The following LRRC49 variants were observed in gnomAD, a reference collection of about 807,000 sequenced individuals.
LRRC49 encodes leucine-rich repeat-containing protein 49.
A neutral mutation model predicts 83.3 loss-of-function variants in LRRC49; 50 were observed. The observed-to-expected ratio is 0.60, with a 90% CI of 0.48 to 0.76. The LOEUF is 0.76. LRRC49 is among the 30% of genes least tolerant of loss of function. The pLI is 0.00. For synonymous variants in LRRC49, 286 were observed against 283.3 expected, an observed-to-expected ratio of 1.01 and a Z score of -0.10; for missense variants, 704 against 809.1, an observed-to-expected ratio of 0.87 and a Z score of 1.58.
intron 4 of LRRC49, among the ~76,000 whole-genome samples, chr15:70,903,563 T>G (rs1367145972): frequency 6.6e-6 from 1 of 152,176 alleles, no homozygotes; most frequent in East Asian, 1.9e-4. Flanking sequence ...AAGATTCTGA[T>G]CACTGTCATA....
At chr15:71,038,994 A>G (rs1296264631) in intron 15 of LRRC49, among the ~76,000 whole-genome samples, 5 of 152,288 alleles carry the variant, frequency 3.3e-5, no homozygotes, top group South Asian at 4.1e-4. Context: ...ACGGATAAGT[A>G]TCAATCAGTT....
intron 8 of LRRC49, among the ~76,000 whole-genome samples, chr15:70,944,522 A>G (rs1032966070): frequency 2.6e-5 from 4 of 152,064 alleles, no homozygotes; most frequent in Non-Finnish European, 5.9e-5. Context: ...CTCCTGCCTC[A>G]GCCTCCCGAG....
chr15:71,030,768 A>G (rs2039326744), intron 14 of LRRC49, among the ~76,000 whole-genome samples: 2 of 151,612 alleles, frequency 1.3e-5, no homozygotes, highest in African/African-American at 2.4e-5. Context: ...CAGTAAGTTG[A>G]TCTTCAATCT....
At chr15:70,905,497 C>A (rs2034268174) in intron 5 of LRRC49, among the ~76,000 whole-genome samples, 1 of 152,194 alleles carries the variant, frequency 6.6e-6, no homozygotes, top group Non-Finnish European at 1.5e-5. Flanking sequence ...AAAGTATTAT[C>A]TCTTCCTTAC....
chr15:70,893,121 G>A (rs2033660001), intron 1 of LRRC49, 179 bp downstream of exon 1: 1 of 678,576 alleles, frequency 1.5e-6, no homozygotes, highest in Non-Finnish European at 2.6e-6. Flanking sequence ...ATTGTATGAT[G>A]GGTACTCAAA....
rs1194794755 is a variant in LRRC49, at chr15:71,009,940, A to G, written c.1541A>G (p.Tyr514Cys). ...GTCAATTTTACACTCTGGAAATACT[A>G]TGTACTGTTTAGGCTAAGCCATTTC... ...PVVNFTLWKY[Y>C]VLFRLSHFSM... is the part of the protein sequence containing the mutation. Residue 514 changes from tyrosine (Y) to cysteine (C), a missense_variant, in exon 13 of 16, where the codon TAT becomes TGT. Around this residue, in one of 3 missense-constraint regions of LRRC49, gnomAD observed 275 missense variants for 338.0 expected, o/e 0.81. Coordinates refer to ENST00000260382, the MANE Select transcript of LRRC49 (RefSeq NM_017691.5). 1.9e-6 allele frequency: 3 copies of G among 1,612,076 alleles called. No homozygotes were observed. Among genetic ancestry groups the G allele is most frequent in the Admixed American group, 1.7e-5 (1 of 59,912 alleles).
intron 14 of LRRC49, among the ~76,000 whole-genome samples, chr15:71,017,799 A>G (rs1476199930): frequency 2.0e-5 from 3 of 152,176 alleles, no homozygotes; most frequent in African/African-American, 7.2e-5. Flanking sequence ...CACAATGTCT[A>G]TCAAAATTTA....
At chr15:70,955,821 T>C (rs1370215181) in intron 8 of LRRC49, among the ~76,000 whole-genome samples, 1 of 152,220 alleles carries the variant, frequency 6.6e-6, no homozygotes, top group African/African-American at 2.4e-5. Flanking sequence ...GTATTATGTG[T>C]ACTTTTCTTT....
At chr15:70,934,268 T>G (rs1430917456) in intron 7 of LRRC49, among the ~76,000 whole-genome samples, 1 of 152,236 alleles carries the variant, frequency 6.6e-6, no homozygotes, top group Non-Finnish European at 1.5e-5. Context: ...TTTCTTTTTG[T>G]CTATTATAAT....
chr15:70,943,065 T>TTGTATTCTGGGCATTGTGGATGTTC (rs2035880488), intron 8 of LRRC49, among the ~76,000 whole-genome samples: 2 of 152,180 alleles, frequency 1.3e-5, no homozygotes, highest in South Asian at 4.1e-4. Flanking sequence ...ATTGTTTTGA[T>TTGTATTCTGGGCATTGTGGATGTTC]TGTATTCTGG....
rs578064965 is a variant in LRRC49 at position 70,990,172 on chromosome 15, T to C, written c.1169+5915T>C. Among the ~76,000 whole-genome samples, 745 of 152,288 alleles carry C rather than the reference T, an allele frequency of 4.9e-3. 11 individuals are homozygous for C. Among genetic ancestry groups the C allele is most frequent in the African/African-American group, 0.017 (726 of 41,566 alleles). On this transcript the variant is annotated intron_variant, in intron 11 of 15. Transcript: ENST00000260382. ...CACTGCTGTCTTCAAAGCTGTCAGA[T>C]AGGGACATTTAAGTCTGCGGAGGTT...
At chr15:70,988,768 C>T (rs906377416) in intron 11 of LRRC49, among the ~76,000 whole-genome samples, 6 of 152,180 alleles carry the variant, frequency 3.9e-5, no homozygotes, top group South Asian at 2.1e-4. Flanking sequence ...TTTGCAGTGG[C>T]TGGTACCGGT....
intron 8 of LRRC49, among the ~76,000 whole-genome samples, chr15:70,937,358 A>T (rs996264461): frequency 6.6e-6 from 1 of 152,184 alleles, no homozygotes; most frequent in African/African-American, 2.4e-5. Context: ...GAAGCATATT[A>T]TCCTTTATAT....
chr15:70,854,310 G>T (rs1468790896), intron 1 of LRRC49, among the ~76,000 whole-genome samples: 2 of 151,832 alleles, frequency 1.3e-5, no homozygotes, highest in Non-Finnish European at 1.5e-5. Context: ...CGGGGCCTCG[G>T]AGGTGGAGGG....
rs145219744 is a variant in LRRC49 at position 71,024,044 on chromosome 15, C to G, written c.1703+11131C>G. 3.3e-5 allele frequency among the ~76,000 whole-genome samples: 5 copies of G among 152,348 alleles called. No homozygotes were observed. In the East Asian group the frequency reaches 9.6e-4, roughly 29 times the overall value. ...CACTGCAGTAACCCATCCCTGCTTA[C>G]TAGGTAGGGCCTCCCTGCAGGAATT... On this transcript the variant is annotated intron_variant, in intron 14 of 15. Coordinates refer to ENST00000260382, the MANE Select transcript of LRRC49 (RefSeq NM_017691.5).
intron 1 of LRRC49, among the ~76,000 whole-genome samples, chr15:70,858,424 A>T (rs1036845354): frequency 6.6e-6 from 1 of 152,168 alleles, no homozygotes; most frequent in Non-Finnish European, 1.5e-5. Flanking sequence ...CAACATGGCG[A>T]AACCCTGTCT....
intron 3 of LRRC49, among the ~76,000 whole-genome samples, chr15:70,898,006 T>C (rs1595993304): frequency 6.6e-6 from 1 of 152,204 alleles, no homozygotes; most frequent in African/African-American, 2.4e-5. Context: ...AGTTAAGATT[T>C]TGGTTACCAA....
In LRRC49 at chr15:70,973,586, C is replaced by T. The variant is rs1017459759; in HGVS notation, c.922-6515C>T. ...TGTCTGCTGAAGCTGTGCCCACAAC[C>T]GCCACTTCCCCCAGGTGCTCTGTCC... is the stretch of plus-strand genomic sequence containing the variant. On this transcript the variant is annotated intron_variant, in intron 9 of 15. Transcript: ENST00000260382. Among the ~76,000 whole-genome samples the T allele has an allele frequency of 1.4e-4, 21 of 152,262 alleles. 1 individual carries two copies. The South Asian group carries it at 1.5e-3, about 11-fold the overall frequency.
At chr15:71,043,199 A>G (rs529058689) in intron 15 of LRRC49, among the ~76,000 whole-genome samples, 1 of 152,332 alleles carries the variant, frequency 6.6e-6, no homozygotes, top group East Asian at 1.9e-4. Flanking sequence ...CAATCTCTAT[A>G]GACCTTGTTT....
Sources: gnomAD v4.1 joint callset for allele counts (sites outside exome capture counted in the v4.1 genomes callset) on GRCh38, gnomAD v4.1.1 for gene constraint, gnomAD v4.1.1 regional missense constraint, MANE v1.5 for transcripts, NCBI Gene and HGNC (gene_info 2026-07-23, HGNC 2026-07-21) for gene names.